TMEM225B: variants seen among roughly 807,000 people sequenced by gnomAD.
TMEM225B encodes transmembrane protein 225B.
TMEM225B carries 10 observed loss-of-function variants against 16.9 expected under a neutral mutation model. The observed-to-expected ratio is 0.59, with a 90% confidence interval of 0.36 to 1.00. The LOEUF (loss-of-function observed/expected upper bound fraction) is 1.00. TMEM225B is among the 50% of genes least tolerant of loss of function. TMEM225B has a pLI of 0.01. For synonymous variants in TMEM225B, 92 were observed against 109.8 expected (o/e 0.84, Z 1.01); for missense variants, 217 against 267.0 (o/e 0.81, Z 1.30).
intron 5 of TMEM225B, 89 bp from the exon 6 acceptor site, chr7:99,610,304 G>A: frequency 1.1e-6 from 1 of 902,078 alleles, no homozygotes; most frequent in Non-Finnish European, 1.7e-6. Flanking sequence ...GAATGAGGGA[G>A]GGCAGCTCTG....
intron 2 of TMEM225B, among the ~76,000 whole-genome samples, chr7:99,603,758 A>C (rs1183892390): frequency 7.0e-6 from 1 of 143,774 alleles, no homozygotes; most frequent in Non-Finnish European, 1.5e-5. Context: ...AAATTATTTA[A>C]TTTTTTTTTT....
chr7:99,601,313 C>T (rs1175314650), intron 2 of TMEM225B, among the ~76,000 whole-genome samples: 2 of 152,162 alleles, frequency 1.3e-5, no homozygotes, highest in East Asian at 1.9e-4. Context: ...GAGGGAAGGG[C>T]TGGGTGTGGT....
At chr7:99,607,007 G>A in intron 4 of TMEM225B, 113 bp downstream of exon 4, 1 of 1,208,468 alleles carries the variant, frequency 8.3e-7, no homozygotes. Context: ...TTCTTTTTAG[G>A]GACAGGGTCT....
chr7:99,598,916 C>T (rs992101383), intron 1 of TMEM225B, among the ~76,000 whole-genome samples: 21 of 152,158 alleles, frequency 1.4e-4, no homozygotes, highest in Non-Finnish European at 2.6e-4. Context: ...CCAGGCACCA[C>T]CACGGGGTAC....
intron 5 of TMEM225B, among the ~76,000 whole-genome samples, chr7:99,608,732 T>TACAC (rs1343580496): frequency 5.6e-5 from 7 of 125,806 alleles, no homozygotes; most frequent in Non-Finnish European, 7.8e-5. Context: ...TATATATATA[T>TACAC]ATACACACAC....
chr7:99,608,839 G>GTATATATATATATATATATATATATATA (rs72285430), intron 5 of TMEM225B, among the ~76,000 whole-genome samples: 7 of 132,538 alleles, frequency 5.3e-5, no homozygotes, highest in South Asian at 4.6e-4. Context: ...GTGTGTGCAC[G>GTATATATATATATATATATATATATATA]TATATATATA....
chr7:99,603,717 A>T (rs1168272070), intron 2 of TMEM225B, among the ~76,000 whole-genome samples: 2 of 151,366 alleles, frequency 1.3e-5, no homozygotes, highest in Non-Finnish European at 2.9e-5. Flanking sequence ...AAGAATTGAA[A>T]GCTTAGAACT....
At chr7:99,604,694 A>C in intron 3 of TMEM225B, 98 bp downstream of exon 3, 1 of 969,918 alleles carries the variant, frequency 1.0e-6, no homozygotes, top group Non-Finnish European at 1.6e-6. Flanking sequence ...CAGAGAGGAC[A>C]AAATCTAATT....
chr7:99,609,750 A>T (rs1046600608), intron 5 of TMEM225B, among the ~76,000 whole-genome samples: 1 of 143,992 alleles, frequency 6.9e-6, no homozygotes, highest in African/African-American at 2.6e-5. Context: ...TCTTTTTTTT[A>T]AAGGGACAAG....
At chr7:99,602,942 C>T (rs567498071) in intron 2 of TMEM225B, among the ~76,000 whole-genome samples, 1 of 152,244 alleles carries the variant, frequency 6.6e-6, no homozygotes, top group Admixed American at 6.5e-5. Flanking sequence ...GGTCTCAAAA[C>T]TCCTGAGTTC....
rs1562957859 is a variant in TMEM225B, at chr7:99,610,541, G to A, written c.642G>A (p.Gln214=). 1.3e-6 allele frequency: 2 copies of A among 1,536,106 alleles called. No individual in the cohort carries two copies. The highest frequency in any genetic ancestry group is 3.9e-5 in the Admixed American group (2 of 50,996). The change falls in exon 6 of 6, where the codon CAG becomes CAA. Residue 214 remains glutamine, a synonymous_variant. Coordinates refer to ENST00000431679, the MANE Select transcript of TMEM225B (RefSeq NM_001195541.3). ...GEPSSVQKET[Q]VTAETVI is the part of the protein sequence containing the mutation. ...CGAGCTCAGTACAAAAGGAGACACA[G>A]GTGACAGCAGAAACAGTCATCTAGC... is the stretch of plus-strand genomic sequence containing the variant.
chr7:99,606,810 T>A lies in TMEM225B; in HGVS notation c.271T>A (p.Phe91Ile). 6.5e-7 allele frequency: 1 copy of A among 1,535,636 alleles called. No individual in the cohort carries two copies. The highest frequency in any genetic ancestry group is 1.4e-5 in the African/African-American group (1 of 73,166). Reference sequence around the variant, plus strand: ...AGTTTTCTTGGCTTTCGTCACCACCTTCATCATGATGCCCTTTGCATCCGA... The same window carrying A: ...AGTTTTCTTGGCTTTCGTCACCACCATCATCATGATGCCCTTTGCATCCGA... The part of the protein sequence containing the change: ...SAVFLAFVTT[F>I]IMMPFASEFF... Residue 91 changes from phenylalanine (F) to isoleucine (I), a missense_variant, in exon 4 of 6, where the codon TTC (phenylalanine) becomes ATC (isoleucine). Transcript: ENST00000431679.
chr7:99,604,627 G>A (rs1334264571), intron 3 of TMEM225B, 31 bp downstream of exon 3: 2 of 1,498,792 alleles, frequency 1.3e-6, no homozygotes, highest in Admixed American at 2.0e-5. Context: ...GGAGGAGAGA[G>A]AGGGAGATGG....
chr7:99,610,574 A>G lies in TMEM225B; in HGVS notation c.*9A>G, dbSNP rs994736446. ...CAGAAACAGTCATCTAGCCCAGGAC[A>G]TGGCTTCTTTACCCTTCTTCAAGCC... On this transcript the variant is annotated 3_prime_UTR_variant, in exon 6 of 6. Coordinates refer to ENST00000431679, the MANE Select transcript of TMEM225B (RefSeq NM_001195541.3). 9 of 1,535,710 alleles carry G rather than the reference A, an allele frequency of 5.9e-6. No individual in the cohort carries two copies. Among genetic ancestry groups the G allele is most frequent in the Non-Finnish European group, 7.0e-6 (8 of 1,146,650 alleles).
intron 3 of TMEM225B, among the ~76,000 whole-genome samples, chr7:99,606,524 A>G (rs888379687): frequency 6.6e-6 from 1 of 152,200 alleles, no homozygotes; most frequent in African/African-American, 2.4e-5. Flanking sequence ...GACATTGTCA[A>G]TTTAATTTTT....
intron 2 of TMEM225B, among the ~76,000 whole-genome samples, 193 bp downstream of exon 2, chr7:99,600,478 G>A (rs1438373978): frequency 6.6e-6 from 1 of 152,080 alleles, no homozygotes; most frequent in Non-Finnish European, 1.5e-5. Context: ...CCCAAGACTG[G>A]GTAACTTATA....
At chr7:99,606,296 A>G (rs1048582006) in intron 3 of TMEM225B, among the ~76,000 whole-genome samples, 6 of 152,126 alleles carry the variant, frequency 3.9e-5, no homozygotes, top group Non-Finnish European at 8.8e-5. Flanking sequence ...CCCTGTTTCT[A>G]CAAAACATAA....
chr7:99,600,128 C>G (rs1329444055), intron 1 of TMEM225B, 77 bp from the exon 2 acceptor site: 1 of 694,896 alleles, frequency 1.4e-6, no homozygotes, highest in Non-Finnish European at 2.6e-6. Flanking sequence ...TGGGGTATAC[C>G]TGGCCCCAAA....
At chr7:99,609,735 C>G (rs929481480) in intron 5 of TMEM225B, among the ~76,000 whole-genome samples, 6 of 149,254 alleles carry the variant, frequency 4.0e-5, no homozygotes, top group African/African-American at 1.5e-4. Context: ...CGCCCGGCCA[C>G]TTGTTCTTTT....
Sources: gnomAD v4.1 joint callset for allele counts (sites outside exome capture counted in the v4.1 genomes callset) on GRCh38, gnomAD v4.1.1 for gene constraint, MANE v1.5 for transcripts, NCBI Gene and HGNC (gene_info 2026-07-23, HGNC 2026-07-21) for gene names.